The following TPRG1 variants were observed in gnomAD, a reference collection of about 807,000 sequenced individuals.
TPRG1 encodes tumor protein p63 regulated 1.
In TPRG1, 29 loss-of-function variants were observed where a neutral mutation model predicts 29.3. The ratio of observed to expected loss-of-function variants is 0.99; its 90% confidence interval spans 0.74 to 1.35. TPRG1 has a LOEUF of 1.35. Ranked by LOEUF, TPRG1 falls within the 40% of genes most tolerant of loss-of-function variation. The probability of loss-of-function intolerance (pLI) is 0.00; values close to 1 mark genes in which losing one functional copy is unlikely to be tolerated. For missense variants in TPRG1, 327 were observed against 335.0 expected (o/e 0.98, Z 0.19); for synonymous variants, 130 against 116.8 (o/e 1.11, Z -0.73).
At chr3:189,131,471 C>T (rs942827660) in intron 2 of TPRG1, among the ~76,000 whole-genome samples, 1 of 152,112 alleles carries the variant, frequency 6.6e-6, no homozygotes, top group Non-Finnish European at 1.5e-5. Context: ...TTGAAGGAAA[C>T]AAGACCATGT....
chr3:189,314,609 C>T (rs1005374146), intron 5 of TPRG1, among the ~76,000 whole-genome samples: 6 of 152,106 alleles, frequency 3.9e-5, no homozygotes, highest in African/African-American at 1.4e-4. Context: ...TGTTCACATA[C>T]ATAGTTTGTG....
intron 4 of TPRG1, among the ~76,000 whole-genome samples, chr3:189,308,014 T>C (rs1721887411): frequency 6.6e-6 from 1 of 152,180 alleles, no homozygotes; most frequent in Admixed American, 6.6e-5. Context: ...AGACTGCTTA[T>C]GGATGTTGTA....
At chr3:189,261,380 T>C (rs1337229628) in intron 4 of TPRG1, among the ~76,000 whole-genome samples, 1 of 152,066 alleles carries the variant, frequency 6.6e-6, no homozygotes, top group Non-Finnish European at 1.5e-5. Flanking sequence ...TCACGTCTTT[T>C]TCTTGGCTTC....
In TPRG1 at chr3:189,207,356, T is replaced by C. The variant is rs756987921; in HGVS notation, c.-9-20T>C. 5.0e-6 allele frequency: 8 copies of C among 1,613,222 alleles called. No individual in the cohort carries two copies. In the Admixed American group the frequency reaches 1.2e-4, roughly 24 times the overall value. On this transcript the variant is annotated intron_variant, in intron 1 of 5. Coordinates refer to ENST00000345063, the MANE Select transcript of TPRG1 (RefSeq NM_198485.4). The stretch of plus-strand genomic sequence containing the variant: ...CAGAGGTAACATTTTTTCAATGAGA[T>C]TTTTCTGCCCTTGGTTTAGGCTGAA...
At chr3:189,262,550 A>G (rs1713305386) in intron 4 of TPRG1, among the ~76,000 whole-genome samples, 1 of 152,142 alleles carries the variant, frequency 6.6e-6, no homozygotes, top group African/African-American at 2.4e-5. Flanking sequence ...GCTGACAGTC[A>G]TGGGGCAAGC....
chr3:189,188,851 TAA>T (rs1253370700), intron 1 of TPRG1, among the ~76,000 whole-genome samples: 2 of 152,218 alleles, frequency 1.3e-5, no homozygotes, highest in Non-Finnish European at 2.9e-5. Context: ...AGTGGGCAGA[TAA>T]AAGTCATTGA....
At chr3:189,319,442 G>C (rs1482794312) in intron 5 of TPRG1, among the ~76,000 whole-genome samples, 4 of 151,890 alleles carry the variant, frequency 2.6e-5, no homozygotes, top group African/African-American at 9.7e-5. Context: ...AGTTGCTCAG[G>C]CCAAAAACCT....
At chr3:189,311,262 A>G (rs765348983) in intron 5 of TPRG1, among the ~76,000 whole-genome samples, 17 of 152,226 alleles carry the variant, frequency 1.1e-4, no homozygotes, top group Non-Finnish European at 2.2e-4. Context: ...AACCAAATAT[A>G]CATATGAGTG....
intron 4 of TPRG1, among the ~76,000 whole-genome samples, chr3:189,306,079 A>G (rs1287016424): frequency 6.6e-6 from 1 of 152,188 alleles, no homozygotes; most frequent in Non-Finnish European, 1.5e-5. Flanking sequence ...ATCGGCTCAT[A>G]GATTGTCAGA....
At chr3:189,246,289 C>T (rs999743948) in intron 4 of TPRG1, among the ~76,000 whole-genome samples, 11 of 152,138 alleles carry the variant, frequency 7.2e-5, no homozygotes, top group African/African-American at 1.9e-4. Context: ...CACTTAGAAC[C>T]GTGAGTCCAT....
chr3:189,168,871 G>A (rs1169292421), upstream of TPRG1, among the ~76,000 whole-genome samples: 1 of 152,152 alleles, frequency 6.6e-6, no homozygotes. Context: ...TCCACTATGA[G>A]GGAGACCTGG....
At chr3:189,295,453 A>G (rs1410340416) in intron 4 of TPRG1, among the ~76,000 whole-genome samples, 1 of 133,944 alleles carries the variant, frequency 7.5e-6, no homozygotes, top group Non-Finnish European at 1.5e-5. Flanking sequence ...TTTGTTTAGT[A>G]TTCATTAGTT....
chr3:189,217,683 A>G (rs1227015894), intron 3 of TPRG1, among the ~76,000 whole-genome samples: 3 of 152,166 alleles, frequency 2.0e-5, no homozygotes, highest in African/African-American at 7.2e-5. Flanking sequence ...GCATTATGCA[A>G]TGGAAAGCGC....
At chr3:189,125,823 G>T (rs1231630924) in intron 1 of TPRG1, among the ~76,000 whole-genome samples, 3 of 56,540 alleles carry the variant, frequency 5.3e-5, no homozygotes, top group African/African-American at 4.9e-4. Context: ...TTGTGTGTGT[G>T]TGTGTGTGTG....
At chr3:189,012,644 G>A (rs751661025) in intron 3 of TPRG1, among the ~76,000 whole-genome samples, 127 of 152,116 alleles carry the variant, frequency 8.3e-4, no homozygotes, top group African/African-American at 2.7e-3. Context: ...TTGGTTGGTA[G>A]GCTATTTATT....
chr3:189,023,421 T>A (rs1156869173), intron 3 of TPRG1, among the ~76,000 whole-genome samples: 3 of 152,250 alleles, frequency 2.0e-5, no homozygotes, highest in African/African-American at 7.2e-5. Context: ...GATTCTTAGC[T>A]TCTTCGCATT....
chr3:188,997,762 A>G (rs1478120910), intron 1 of TPRG1, among the ~76,000 whole-genome samples: 1 of 152,184 alleles, frequency 6.6e-6, no homozygotes, highest in Non-Finnish European at 1.5e-5. Context: ...CATCCGAACA[A>G]TTACATTCCA....
intron 5 of TPRG1, among the ~76,000 whole-genome samples, chr3:189,318,870 A>C (rs1472391403): frequency 6.6e-6 from 1 of 152,168 alleles, no homozygotes; most frequent in Non-Finnish European, 1.5e-5. Flanking sequence ...TTCTTCCCTA[A>C]ATATCAGAAT....
chr3:189,271,897 T>TAA (rs1013035563), intron 4 of TPRG1, among the ~76,000 whole-genome samples: 1 of 152,192 alleles, frequency 6.6e-6, no homozygotes, highest in African/African-American at 2.4e-5. Flanking sequence ...ATCTCATCTG[T>TAA]AAAAATAGAG....
Sources: allele counts gnomAD v4.1 joint callset (sites outside exome capture counted in the v4.1 genomes callset), GRCh38; gene constraint gnomAD v4.1.1; transcripts MANE v1.5; gene names NCBI Gene and HGNC (gene_info 2026-07-23, HGNC 2026-07-21).